DNASE2B: variants seen among roughly 807,000 people sequenced by gnomAD.
DNASE2B encodes the protein deoxyribonuclease-2-beta.
In DNASE2B, 43 loss-of-function variants were observed where a neutral mutation model predicts 46.0. The observed-to-expected ratio is 0.94, with a 90% CI of 0.73 to 1.21. The LOEUF is 1.21. Among genes scored for constraint, DNASE2B ranks in the 50% most tolerant of loss-of-function variants. The probability of loss-of-function intolerance (pLI) is 0.00; values close to 1 mark genes in which losing one functional copy is unlikely to be tolerated. For missense variants in DNASE2B, 395 were observed against 414.4 expected, an observed-to-expected ratio of 0.95 and a Z score of 0.41; for synonymous variants, 156 against 152.5, an observed-to-expected ratio of 1.02 and a Z score of -0.17.
At chr1:84,407,690 C>T (rs1455804858) in intron 2 of DNASE2B, among the ~76,000 whole-genome samples, 2 of 151,864 alleles carry the variant, frequency 1.3e-5, no homozygotes, top group Non-Finnish European at 2.9e-5. Context: ...CAAATATTAG[C>T]AAGTTTCTAA....
At chr1:84,407,595 A>T (rs144573617) in intron 2 of DNASE2B, among the ~76,000 whole-genome samples, 2 of 152,138 alleles carry the variant, frequency 1.3e-5, no homozygotes, top group African/African-American at 4.8e-5. Flanking sequence ...GCTTTTAATT[A>T]TGTCACTCAG....
At position 84,401,265 on chromosome 1, in the gene DNASE2B, C is replaced by T. The variant is rs143676861; in HGVS notation, c.126-636C>T. ...GACAGCTCCCACAACAAAGAATGAT[C>T]GGCTGAAAATGTGAATAGAGCACAC... On this transcript the variant is annotated intron_variant, in intron 1 of 5. Coordinates refer to ENST00000370665, the MANE Select transcript of DNASE2B (RefSeq NM_021233.3). 1.7e-3 allele frequency among the ~76,000 whole-genome samples: 258 copies of T among 152,226 alleles called. 1 individual carries two copies. The highest frequency in any genetic ancestry group is 6.8e-3 in the Middle Eastern group (2 of 294).
Position 84,401,858 on chromosome 1 carries a change from C to T in DNASE2B, c.126-43C>T, listed in dbSNP as rs1680425238. The T allele has an allele frequency of 2.9e-6, 4 of 1,378,652 alleles. No homozygotes were observed. In the East Asian group the frequency reaches 8.2e-5, roughly 28 times the overall value. The allele number at this position is 1,378,652 out of a possible 1,614,324, so 85.4% of individuals were successfully genotyped here. On this transcript the variant is annotated intron_variant, in intron 1 of 5. Transcript: ENST00000370665. ...TAATACAGTTACTGCCACAGGAAAA[C>T]AGTCAATAAATGTTAGTAATTCATA... is the stretch of plus-strand genomic sequence containing the variant.
intron 3 of DNASE2B, among the ~76,000 whole-genome samples, chr1:84,409,548 T>C (rs1259246546): frequency 6.6e-6 from 1 of 152,234 alleles, no homozygotes; most frequent in African/African-American, 2.4e-5. Context: ...TTGCAGCCTC[T>C]GATTTAGAAT....
intron 2 of DNASE2B, among the ~76,000 whole-genome samples, chr1:84,403,953 AT>A (rs562382212): frequency 0.015 from 1,571 of 108,092 alleles, 17 homozygotes; most frequent in Middle Eastern, 0.04. Flanking sequence ...TGCCTGGCTA[AT>A]TTTTTTTTTT....
At position 84,402,033 on chromosome 1, in the gene DNASE2B, T is replaced by C. The variant is rs1315914544; in HGVS notation, c.258T>C (p.Val86=). The part of the protein sequence containing the change: ...SEQLMNDTKS[V]LGRTLQQLYE... ...AACTAATGAATGACACCAAGAGTGTTTTGGGAAGGACATTACAACAGCTAT... is the reference window on the plus strand; with the variant it reads ...AACTAATGAATGACACCAAGAGTGTCTTGGGAAGGACATTACAACAGCTAT... Residue 86 remains valine, a synonymous_variant, in exon 2 of 6, where the codon GTT becomes GTC. Coordinates refer to ENST00000370665, the MANE Select transcript of DNASE2B (RefSeq NM_021233.3). 1.2e-6 allele frequency: 2 copies of C among 1,609,260 alleles called. No homozygotes were observed. The highest frequency in any genetic ancestry group is 1.7e-6 in the Non-Finnish European group (2 of 1,178,328).
rs777386983 is a variant in DNASE2B at position 84,412,470 on chromosome 1, C to T, written c.669C>T (p.Gly223=). 3 of 1,613,986 alleles carry T rather than the reference C, an allele frequency of 1.9e-6. No individual in the cohort carries two copies. Among genetic ancestry groups the T allele is most frequent in the Non-Finnish European group, 2.5e-6 (3 of 1,179,914 alleles). ...CTRASSSEIP[G]RLLTTLQSAQ... ...GGGCCAGCTCATCAGAGATTCCTGG[C>T]AGGCTCCTCACCACACTTCAGTCGG... The change falls in exon 5 of 6, where the codon GGC becomes GGT. Residue 223 remains glycine, a synonymous_variant. Transcript: ENST00000370665.
chr1:84,398,725 A>G, intron 1 of DNASE2B, 36 bp downstream of exon 1: 1 of 1,611,344 alleles, frequency 6.2e-7, no homozygotes, highest in African/African-American at 1.3e-5. Context: ...CTGCATGCAA[A>G]CAGCCTCGGT....
chr1:84,411,098 A>G (rs1023415455), intron 4 of DNASE2B, 99 bp downstream of exon 4: 7 of 1,357,556 alleles, frequency 5.2e-6, no homozygotes, highest in Non-Finnish European at 6.1e-6. Flanking sequence ...TAATCTATTC[A>G]TAGACCCTCT....
Position 84,399,384 on chromosome 1 carries a change from G to C in DNASE2B, c.125+695G>C, listed in dbSNP as rs147393969. On this transcript the variant is annotated intron_variant, in intron 1 of 5. Coordinates refer to ENST00000370665, the MANE Select transcript of DNASE2B (RefSeq NM_021233.3). ...ACAGAACACAGATATACTCAAGGCA[G>C]TAGTCAGTCTTTCCTCAGTTACTGA... 4.1e-3 allele frequency among the ~76,000 whole-genome samples: 632 copies of C among 152,350 alleles called. 2 individuals carry two copies. Among genetic ancestry groups the C allele is most frequent in the Middle Eastern group, 6.8e-3 (2 of 294 alleles).
intron 4 of DNASE2B, 101 bp from the exon 5 acceptor site, chr1:84,412,248 G>C (rs1680611345): frequency 9.2e-7 from 1 of 1,087,324 alleles, no homozygotes. Context: ...CTTTGTTTTT[G>C]TGTTGTTTTG....
At chr1:84,407,027 AG>A (rs1231575316) in intron 2 of DNASE2B, among the ~76,000 whole-genome samples, 1 of 152,220 alleles carries the variant, frequency 6.6e-6, no homozygotes, top group African/African-American at 2.4e-5. Context: ...AACACTCAAT[AG>A]TCAAAACAAT....
chr1:84,413,546 T>C (rs1156297199), intron 5 of DNASE2B, among the ~76,000 whole-genome samples: 2 of 152,194 alleles, frequency 1.3e-5, no homozygotes, highest in African/African-American at 4.8e-5. Context: ...AGTCCCCTGG[T>C]CTTTCTCCCA....
chr1:84,411,965 C>T lies in DNASE2B; in HGVS notation c.548-384C>T, dbSNP rs547590708. On this transcript the variant is annotated intron_variant, in intron 4 of 5. Coordinates refer to ENST00000370665, the MANE Select transcript of DNASE2B (RefSeq NM_021233.3). The stretch of plus-strand genomic sequence containing the variant: ...TTTAGAAGAAAAAATATATGGTCTC[C>T]AAGGCCAAATTACCTGGGTTCGAAT... 5.9e-5 allele frequency among the ~76,000 whole-genome samples: 9 copies of T among 152,192 alleles called. No individual in the cohort carries two copies. The South Asian group carries it at 1.9e-3, about 32-fold the overall frequency.
intron 5 of DNASE2B, among the ~76,000 whole-genome samples, chr1:84,414,261 C>T (rs939183881): frequency 1.3e-5 from 2 of 152,104 alleles, no homozygotes; most frequent in Non-Finnish European, 2.9e-5. Context: ...AGGACAAAGA[C>T]ATATATTGCT....
intron 2 of DNASE2B, among the ~76,000 whole-genome samples, chr1:84,404,333 T>C (rs551962622): frequency 2.6e-4 from 40 of 152,340 alleles, no homozygotes; most frequent in Non-Finnish European, 2.9e-5. Flanking sequence ...CATGACTTTC[T>C]TGATTGACTC....
chr1:84,401,514 T>C (rs1486156712), intron 1 of DNASE2B, among the ~76,000 whole-genome samples: 1 of 152,176 alleles, frequency 6.6e-6, no homozygotes, highest in Admixed American at 6.5e-5. Flanking sequence ...TCAAAGTACC[T>C]TCCACCTCTC....
rs1680528752 is a variant in DNASE2B, at chr1:84,408,423, A to C, written c.304-14A>C. 6.2e-7 allele frequency: 1 copy of C among 1,602,660 alleles called. No individual in the cohort carries two copies. Among genetic ancestry groups the C allele is most frequent in the Non-Finnish European group, 8.5e-7 (1 of 1,174,902 alleles). On this transcript the variant is annotated splice_polypyrimidine_tract_variant and intron_variant, in intron 2 of 5. Transcript: ENST00000370665. ...GAAGATTTACGCCATTATAACCCTA[A>C]TATATTCCTGCAGAGTAACAACACA...
At position 84,410,691 on chromosome 1, in the gene DNASE2B, T is replaced by C. The variant is rs142210486; in HGVS notation, c.386-147T>C. ...TGTGCCAGAATTGTATTTGAAATCT[T>C]TGAAAAATAAGCATGATCCTTGTGA... On this transcript the variant is annotated intron_variant, in intron 3 of 5. Coordinates refer to ENST00000370665, the MANE Select transcript of DNASE2B (RefSeq NM_021233.3). The C allele has an allele frequency of 1.1e-3, 910 of 815,002 alleles. 2 individuals carry two copies. The African/African-American group carries it at 0.014, about 12-fold the overall frequency. 50.5% of individuals were successfully genotyped at this position (815,002 alleles called of 1,614,324 possible). A position where few individuals can be genotyped will look rare whatever the true frequency, so the allele number is the denominator to read the frequency against.
Sources: gnomAD v4.1 joint callset for allele counts (sites outside exome capture counted in the v4.1 genomes callset) on GRCh38, gnomAD v4.1.1 for gene constraint, MANE v1.5 for transcripts, NCBI Gene and HGNC (gene_info 2026-07-23, HGNC 2026-07-21) for gene names.